Variants in XPR1 observed in about 807,000 individuals in gnomAD.
XPR1 encodes xenotropic and polytropic retrovirus receptor 1.
In XPR1, 28 loss-of-function variants were observed where a neutral mutation model predicts 87.5. That is an observed-to-expected ratio of 0.32 (90% CI 0.24 to 0.44). The LOEUF (loss-of-function observed/expected upper bound fraction) is 0.44, where lower values mean the gene tolerates loss of function less well. Among genes scored for constraint, XPR1 ranks in the 20% least tolerant of loss-of-function variants. The pLI is 1.00. For synonymous variants in XPR1, 300 were observed against 306.1 expected (o/e 0.98, Z 0.21); for missense variants, 559 against 862.3 (o/e 0.65, Z 4.41).
intron 1 of XPR1, among the ~76,000 whole-genome samples, chr1:180,658,277 A>C (rs1327058218): frequency 6.6e-6 from 1 of 151,996 alleles, no homozygotes; most frequent in Admixed American, 6.5e-5. Context: ...GATGCCCTTT[A>C]TTTCTTTCTC....
intron 1 of XPR1, among the ~76,000 whole-genome samples, chr1:180,659,586 C>T (rs1245834827): frequency 1.5e-5 from 2 of 135,622 alleles, no homozygotes; most frequent in Non-Finnish European, 3.2e-5. Context: ...CCCCAGCCAC[C>T]GCACCCCCAC....
At chr1:180,848,303 C>G (rs1231050196) in intron 11 of XPR1, among the ~76,000 whole-genome samples, 1 of 152,148 alleles carries the variant, frequency 6.6e-6, no homozygotes, top group Non-Finnish European at 1.5e-5. Context: ...ACAAATCTCT[C>G]CCTATCCTTC....
chr1:180,880,922 G>T (rs1652833600), intron 14 of XPR1, among the ~76,000 whole-genome samples: 1 of 152,148 alleles, frequency 6.6e-6, no homozygotes. Flanking sequence ...ATGAAATTTA[G>T]AGACAATAGA....
At chr1:180,698,222 A>G (rs1429400007) in intron 2 of XPR1, among the ~76,000 whole-genome samples, 1 of 151,958 alleles carries the variant, frequency 6.6e-6, no homozygotes, top group Non-Finnish European at 1.5e-5. Context: ...TTTTGACTTA[A>G]AGTTTGTTTT....
intron 9 of XPR1, among the ~76,000 whole-genome samples, chr1:180,827,837 C>A (rs1185654990): frequency 3.3e-5 from 5 of 151,308 alleles, no homozygotes; most frequent in Admixed American, 6.6e-5. Context: ...TTTTTAAAAG[C>A]TTCATCCTAA....
chr1:180,678,676 T>C (rs59013965), intron 1 of XPR1, among the ~76,000 whole-genome samples: 6,537 of 152,260 alleles, frequency 0.043, 501 homozygotes, highest in African/African-American at 0.15. Flanking sequence ...AATACATCAA[T>C]TTAAAAATTT....
intron 2 of XPR1, among the ~76,000 whole-genome samples, chr1:180,770,353 G>T (rs924787028): frequency 1.3e-5 from 2 of 152,138 alleles, no homozygotes; most frequent in African/African-American, 4.8e-5. Context: ...CTTCCTTCCT[G>T]ATTATGTCCT....
intron 11 of XPR1, among the ~76,000 whole-genome samples, chr1:180,856,167 A>G (rs899446994): frequency 2.0e-5 from 3 of 152,238 alleles, no homozygotes; most frequent in South Asian, 4.1e-4. Context: ...TATAACCACA[A>G]TAACTCTATA....
chr1:180,661,188 A>G (rs865912740), intron 1 of XPR1, among the ~76,000 whole-genome samples: 4 of 151,456 alleles, frequency 2.6e-5, no homozygotes, highest in African/African-American at 7.3e-5. Context: ...TTTGGTTTCT[A>G]TTGGCATGGA....
chr1:180,865,567 A>C (rs901994443), intron 12 of XPR1, among the ~76,000 whole-genome samples: 2 of 151,974 alleles, frequency 1.3e-5, no homozygotes, highest in Non-Finnish European at 2.9e-5. Flanking sequence ...CGTCCGGTTA[A>C]TTTTTTGTAG....
chr1:180,771,968 G>C lies in XPR1; in HGVS notation c.122-15785G>C, dbSNP rs76896961. 1.6e-3 allele frequency among the ~76,000 whole-genome samples: 251 copies of C among 152,282 alleles called. 1 individual carries two copies. The highest frequency in any genetic ancestry group is 5.7e-3 in the African/African-American group (237 of 41,568). Reference sequence around the variant, plus strand: ...CCATTGATTTCTATTATCTATGGATGGATCTTGCTCGCAAGGGTTACTACT... The same window carrying C: ...CCATTGATTTCTATTATCTATGGATCGATCTTGCTCGCAAGGGTTACTACT... On this transcript the variant is annotated intron_variant, in intron 2 of 14. Transcript: ENST00000367590.
At chr1:180,883,278 T>C (rs1012887722) in intron 14 of XPR1, among the ~76,000 whole-genome samples, 14 of 152,104 alleles carry the variant, frequency 9.2e-5, no homozygotes, top group East Asian at 1.9e-4. Flanking sequence ...TTTAATGCTT[T>C]TTTCATCCAT....
intron 9 of XPR1, among the ~76,000 whole-genome samples, chr1:180,827,153 C>CAAAA (rs11324246): frequency 1.6e-4 from 11 of 66,910 alleles, no homozygotes; most frequent in African/African-American, 6.1e-4. Flanking sequence ...GACTCCTTCT[C>CAAAA]AAAAAAAAAA....
At chr1:180,739,747 G>T (rs531557598) in intron 2 of XPR1, among the ~76,000 whole-genome samples, 2 of 152,072 alleles carry the variant, frequency 1.3e-5, no homozygotes, top group South Asian at 4.2e-4. Context: ...AATTATGATT[G>T]ATTTTTTTTT....
intron 1 of XPR1, among the ~76,000 whole-genome samples, chr1:180,672,428 A>G (rs1413736497): frequency 6.6e-6 from 1 of 152,126 alleles, no homozygotes; most frequent in Non-Finnish European, 1.5e-5. Context: ...TGCTGATTTT[A>G]TTTCTATCAT....
intron 2 of XPR1, among the ~76,000 whole-genome samples, chr1:180,731,119 C>T (rs949389788): frequency 2.0e-5 from 3 of 151,916 alleles, no homozygotes; most frequent in Non-Finnish European, 4.4e-5. Flanking sequence ...TTACTAGTGC[C>T]TAGTTTAGAA....
At chr1:180,781,907 A>G (rs1036619015) in intron 2 of XPR1, among the ~76,000 whole-genome samples, 1 of 151,866 alleles carries the variant, frequency 6.6e-6, no homozygotes, top group East Asian at 1.9e-4. Flanking sequence ...GCGAAGAATC[A>G]TTTTCTATTA....
At chr1:180,723,407 T>C (rs1377562335) in intron 2 of XPR1, among the ~76,000 whole-genome samples, 3 of 152,154 alleles carry the variant, frequency 2.0e-5, no homozygotes, top group African/African-American at 7.2e-5. Flanking sequence ...TTTTTTGCCA[T>C]AAAAGGTACC....
intron 2 of XPR1, among the ~76,000 whole-genome samples, chr1:180,705,370 T>C (rs1657522922): frequency 6.6e-6 from 1 of 152,198 alleles, no homozygotes; most frequent in Non-Finnish European, 1.5e-5. Flanking sequence ...TATTATCCCA[T>C]GCAGTTAATT....
Sources: allele counts gnomAD v4.1 joint callset (sites outside exome capture counted in the v4.1 genomes callset), GRCh38; gene constraint gnomAD v4.1.1; transcripts MANE v1.5; gene names NCBI Gene and HGNC (gene_info 2026-07-23, HGNC 2026-07-21).